Variants in MBD5 observed in about 807,000 individuals in gnomAD.
MBD5 encodes the protein methyl-CpG-binding domain protein 5.
A neutral mutation model predicts 117.3 loss-of-function variants in MBD5; 13 were observed. The observed-to-expected ratio is 0.11, with a 90% CI of 0.07 to 0.18. MBD5 has a LOEUF of 0.18. MBD5 is among the 10% of genes least tolerant of loss of function. The pLI is 1.00. For synonymous variants in MBD5, 727 were observed against 766.4 expected (o/e 0.95, Z 0.85); for missense variants, 1,879 against 2,093.8 (o/e 0.90, Z 2.00).
At chr2:148,151,649 T>C (rs901132132) in intron 1 of MBD5, among the ~76,000 whole-genome samples, 2 of 152,164 alleles carry the variant, frequency 1.3e-5, no homozygotes, top group Non-Finnish European at 2.9e-5. Context: ...GAGATTCAAC[T>C]TCTTCCTGGT....
chr2:148,069,939 T>TG (rs1004414310), intron 1 of MBD5, among the ~76,000 whole-genome samples: 11 of 152,198 alleles, frequency 7.2e-5, no homozygotes, highest in Non-Finnish European at 1.5e-4. Context: ...TGTCAATGTG[T>TG]GGGGAACATT....
At chr2:148,318,517 C>T (rs926761864) in intron 3 of MBD5, among the ~76,000 whole-genome samples, 2 of 152,030 alleles carry the variant, frequency 1.3e-5, no homozygotes, top group Non-Finnish European at 2.9e-5. Flanking sequence ...TGAGAACTTA[C>T]TCATAAATTC....
chr2:148,139,331 C>G (rs1224613868), intron 1 of MBD5, among the ~76,000 whole-genome samples: 1 of 152,058 alleles, frequency 6.6e-6, no homozygotes, highest in Non-Finnish European at 1.5e-5. Context: ...CTCAGCCTCC[C>G]GAGTAGCTGG....
At chr2:148,102,741 GAGAGAGAGAGAGAGAGAGAGGA>G (rs1256604295) in intron 1 of MBD5, among the ~76,000 whole-genome samples, 14 of 110,758 alleles carry the variant, frequency 1.3e-4, no homozygotes, top group South Asian at 3.4e-4. Flanking sequence ...GAGAGAGAGA[GAGAGAGAGAGAGAGAGAGAGGA>G]AGAGAGAGAG....
intron 4 of MBD5, among the ~76,000 whole-genome samples, chr2:148,407,719 C>T (rs911112896): frequency 3.9e-5 from 6 of 152,014 alleles, no homozygotes; most frequent in African/African-American, 7.2e-5. Context: ...AATGAACGGA[C>T]GATCTAAATT....
At chr2:148,456,447 G>A (rs1431710855) in intron 4 of MBD5, among the ~76,000 whole-genome samples, 1 of 151,976 alleles carries the variant, frequency 6.6e-6, no homozygotes, top group Non-Finnish European at 1.5e-5. Flanking sequence ...GATTTGGGGG[G>A]GACACAGACA....
chr2:148,199,928 C>T (rs1268313294), intron 2 of MBD5, among the ~76,000 whole-genome samples: 2 of 152,142 alleles, frequency 1.3e-5, no homozygotes, highest in African/African-American at 2.4e-5. Context: ...TAAACTACTA[C>T]ATCATGCCAT....
At chr2:148,157,202 T>C (rs928369816) in intron 1 of MBD5, among the ~76,000 whole-genome samples, 7 of 152,110 alleles carry the variant, frequency 4.6e-5, no homozygotes, top group African/African-American at 7.2e-5. Flanking sequence ...GTTTGTTACA[T>C]AGGTATACAT....
At chr2:148,257,841 T>TAA (rs1700627626) in intron 3 of MBD5, among the ~76,000 whole-genome samples, 2 of 152,192 alleles carry the variant, frequency 1.3e-5, no homozygotes, top group Admixed American at 1.3e-4. Flanking sequence ...ATGCATTGTC[T>TAA]AAGTCCACTA....
intron 4 of MBD5, among the ~76,000 whole-genome samples, chr2:148,344,283 G>A (rs1032362057): frequency 1.3e-5 from 2 of 151,878 alleles, no homozygotes; most frequent in African/African-American, 4.8e-5. Flanking sequence ...CTTTGGATTT[G>A]CGTTGTCTCT....
intron 2 of MBD5, among the ~76,000 whole-genome samples, chr2:148,180,966 G>T (rs904773855): frequency 1.3e-5 from 2 of 151,892 alleles, no homozygotes; most frequent in African/African-American, 4.8e-5. Flanking sequence ...TTTTATATGA[G>T]AAATTTCAAA....
intron 3 of MBD5, among the ~76,000 whole-genome samples, chr2:148,259,112 C>G (rs941572459): frequency 6.6e-6 from 1 of 152,184 alleles, no homozygotes; most frequent in African/African-American, 2.4e-5. Flanking sequence ...CCCAAATCAC[C>G]ATATGACTGT....
chr2:148,478,443 C>T (rs956500624), intron 8 of MBD5, among the ~76,000 whole-genome samples: 40 of 151,894 alleles, frequency 2.6e-4, no homozygotes, highest in African/African-American at 7.5e-4. Context: ...GTTAGCCGGG[C>T]GTGCCTCAGG....
At position 148,180,711 on chromosome 2, in the gene MBD5, A is replaced by T. The variant is rs191201840; in HGVS notation, c.-831+1918A>T. ...TCGCCCGGCATCTTTTTTTTAAAAG[A>T]CCTTTTACACAAAGAGAAAGCAGAG... On this transcript the variant is annotated intron_variant, in intron 2 of 13. Coordinates refer to ENST00000642680, the MANE Select transcript of MBD5 (RefSeq NM_001378120.1). 1.6e-4 allele frequency among the ~76,000 whole-genome samples: 24 copies of T among 151,912 alleles called. No homozygotes were observed. The East Asian group carries it at 4.5e-3, about 28-fold the overall frequency.
chr2:148,469,958 A>G lies in MBD5; in HGVS notation c.2015A>G (p.Gln672Arg), dbSNP rs746388328. 1 of 1,613,876 alleles carries G rather than the reference A, an allele frequency of 6.2e-7. No homozygotes were observed. The highest frequency in any genetic ancestry group is 2.2e-5 in the East Asian group (1 of 44,894). ...PPTTVLSLLR[Q>R]SQMDSSAVPK... is the part of the protein sequence containing the mutation. ...ACGACAGTGTTGAGTTTGCTCAGAC[A>G]GTCTCAAATGGATAGTTCTGCAGTT... Residue 672 changes from glutamine (Q) to arginine (R), a missense_variant, in exon 8 of 14, where the codon CAG becomes CGG. Around this residue, in one of 4 missense-constraint regions of MBD5, gnomAD observed 1,666 missense variants for 1,792.2 expected, o/e 0.93. Coordinates refer to ENST00000642680, the MANE Select transcript of MBD5 (RefSeq NM_001378120.1).
chr2:148,445,262 A>G (rs1229228543), intron 4 of MBD5, among the ~76,000 whole-genome samples: 1 of 150,912 alleles, frequency 6.6e-6, no homozygotes, highest in Non-Finnish European at 1.5e-5. Flanking sequence ...CATTAGGTGT[A>G]TCTCCTAATG....
chr2:148,495,106 G>A (rs1444634299), intron 11 of MBD5, among the ~76,000 whole-genome samples: 3 of 152,316 alleles, frequency 2.0e-5, no homozygotes, highest in East Asian at 3.9e-4. Flanking sequence ...TAAGACCTCA[G>A]TGCTGTGCTC....
intron 1 of MBD5, among the ~76,000 whole-genome samples, chr2:148,029,728 T>G (rs1273282361): frequency 6.6e-6 from 1 of 152,228 alleles, no homozygotes; most frequent in Admixed American, 6.5e-5. Context: ...GCAAATTTGC[T>G]ATGTTACATT....
At chr2:148,230,708 T>A (rs530510044) in intron 2 of MBD5, among the ~76,000 whole-genome samples, 1 of 151,758 alleles carries the variant, frequency 6.6e-6, no homozygotes, top group Non-Finnish European at 1.5e-5. Context: ...CTCAATGTAG[T>A]ACCTGGGTAT....
Sources: gnomAD v4.1 joint callset for allele counts (sites outside exome capture counted in the v4.1 genomes callset) on GRCh38, gnomAD v4.1.1 for gene constraint, gnomAD v4.1.1 regional missense constraint, MANE v1.5 for transcripts, NCBI Gene and HGNC (gene_info 2026-07-23, HGNC 2026-07-21) for gene names.